Variants in LGSN observed in about 807,000 individuals in gnomAD.
The protein encoded by LGSN is lengsin.
A neutral mutation model predicts 19.5 loss-of-function variants in LGSN; 21 were observed. The ratio of observed to expected loss-of-function variants is 1.07; its 90% confidence interval spans 0.76 to 1.55. The LOEUF is 1.55. Ranked by LOEUF, LGSN falls within the 40% of genes most tolerant of loss-of-function variation. The pLI, the probability that LGSN is intolerant of heterozygous loss-of-function variation, is 0.00. For synonymous variants in LGSN, 257 were observed against 215.6 expected (o/e 1.19, Z -1.68); for missense variants, 673 against 608.5 (o/e 1.11, Z -1.12).
chr6:63,357,292 T>C, the LGSN span, among the ~76,000 whole-genome samples: 7 of 152,308 alleles, frequency 4.6e-5, no homozygotes, highest in South Asian at 2.1e-4. Context: ...TCAGTGAACA[T>C]ATGTGTGCAT....
intron 1 of LGSN, among the ~76,000 whole-genome samples, chr6:63,298,269 A>T (rs1285395816): frequency 6.6e-6 from 1 of 152,152 alleles, no homozygotes; most frequent in Non-Finnish European, 1.5e-5. Context: ...GATTATGGAG[A>T]TCCCCATGCG....
chr6:63,521,866 C>G, the LGSN span: 1 of 152,072 alleles, frequency 6.6e-6, no homozygotes, highest in Admixed American at 6.6e-5. Flanking sequence ...TTATGGAACA[C>G]CTAGGGACAG....
chr6:63,508,089 C>G, the LGSN span, among the ~76,000 whole-genome samples: 1 of 152,168 alleles, frequency 6.6e-6, no homozygotes, highest in East Asian at 1.9e-4. Context: ...ACACATTTAA[C>G]TAGTTCAAGA....
chr6:63,564,132 G>A, the LGSN span, among the ~76,000 whole-genome samples: 65 of 152,054 alleles, frequency 4.3e-4, no homozygotes, highest in Admixed American at 2.0e-4. Context: ...AAAATTAGCC[G>A]GGTGTGGTGG....
the LGSN span, among the ~76,000 whole-genome samples, chr6:63,515,317 C>T: frequency 3.9e-5 from 6 of 152,092 alleles, no homozygotes; most frequent in African/African-American, 1.2e-4. Flanking sequence ...CTGCAACCTC[C>T]GCCTCCCAGG....
chr6:63,424,358 C>T, the LGSN span, among the ~76,000 whole-genome samples: 9 of 152,024 alleles, frequency 5.9e-5, no homozygotes, highest in Admixed American at 3.9e-4. Flanking sequence ...AAAGAAATCT[C>T]CAGGCCTAGA....
the LGSN span, among the ~76,000 whole-genome samples, chr6:63,398,821 A>C: frequency 2.0e-5 from 3 of 152,190 alleles, no homozygotes; most frequent in East Asian, 5.8e-4. Flanking sequence ...ACTTTTTAAA[A>C]TATATATATT....
chr6:63,326,075 A>T, the LGSN span, among the ~76,000 whole-genome samples: 1 of 152,102 alleles, frequency 6.6e-6, no homozygotes, highest in Non-Finnish European at 1.5e-5. Flanking sequence ...TCCCCACCAG[A>T]TTAGCTAGAT....
the LGSN span, among the ~76,000 whole-genome samples, chr6:63,470,591 G>T: frequency 6.6e-6 from 1 of 151,886 alleles, no homozygotes; most frequent in East Asian, 1.9e-4. Flanking sequence ...GATTCTAGAG[G>T]CATGTGACTC....
At chr6:63,301,707 T>C (rs1453874339) in intron 1 of LGSN, among the ~76,000 whole-genome samples, 1 of 152,152 alleles carries the variant, frequency 6.6e-6, no homozygotes, top group Non-Finnish European at 1.5e-5. Context: ...TTTATTGTAG[T>C]ATTAATAAGA....
At chr6:63,398,564 C>T in the LGSN span, among the ~76,000 whole-genome samples, 1 of 151,668 alleles carries the variant, frequency 6.6e-6, no homozygotes, top group South Asian at 2.1e-4. Flanking sequence ...AGCATTATTA[C>T]AAAAGAGTAA....
chr6:63,314,445 T>C (rs762725700), intron 1 of LGSN, among the ~76,000 whole-genome samples: 10 of 152,148 alleles, frequency 6.6e-5, no homozygotes, highest in Non-Finnish European at 1.3e-4. Context: ...GGCAATTTGT[T>C]ATATTAGCCC....
At chr6:63,550,531 G>T in the LGSN span, 1 of 152,322 alleles carries the variant, frequency 6.6e-6, no homozygotes, top group East Asian at 1.9e-4. Flanking sequence ...TAAAGGGCCT[G>T]TAAGAGCTCC....
the LGSN span, among the ~76,000 whole-genome samples, chr6:63,362,918 G>A: frequency 1.3e-4 from 19 of 151,672 alleles, no homozygotes; most frequent in East Asian, 2.5e-3. Context: ...TCCCTGACCC[G>A]AGTAGCCTAA....
intron 1 of LGSN, among the ~76,000 whole-genome samples, chr6:63,315,272 G>A (rs989283923): frequency 1.3e-5 from 2 of 152,150 alleles, no homozygotes; most frequent in Admixed American, 6.6e-5. Flanking sequence ...TTCTAAATGA[G>A]ACTTCTTTGG....
At chr6:63,304,124 T>C (rs1242132628) in intron 1 of LGSN, among the ~76,000 whole-genome samples, 8 of 152,242 alleles carry the variant, frequency 5.3e-5, no homozygotes, top group African/African-American at 9.6e-5. Flanking sequence ...TATCTCTTGA[T>C]GGATGCAAGA....
At chr6:63,494,228 G>A in the LGSN span, among the ~76,000 whole-genome samples, 2 of 152,070 alleles carry the variant, frequency 1.3e-5, no homozygotes, top group African/African-American at 4.8e-5. Context: ...GAGATTACAG[G>A]CATGAACCAC....
chr6:63,529,841 T>C, the LGSN span, among the ~76,000 whole-genome samples: 3 of 152,306 alleles, frequency 2.0e-5, no homozygotes, highest in East Asian at 5.8e-4. Context: ...TGGCAGGAGC[T>C]ATCAGAGAAC....
chr6:63,450,221 G>T, the LGSN span, among the ~76,000 whole-genome samples: 1 of 148,004 alleles, frequency 6.8e-6, no homozygotes, highest in Non-Finnish European at 1.5e-5. Context: ...AATTAGCCAG[G>T]CATGGTGGTG....
Sources: allele counts gnomAD v4.1 joint callset (sites outside exome capture counted in the v4.1 genomes callset), GRCh38; gene constraint gnomAD v4.1.1; transcripts MANE v1.5; gene names NCBI Gene and HGNC (gene_info 2026-07-23, HGNC 2026-07-21).